CACNA2D3: variants seen among roughly 807,000 people sequenced by gnomAD.
CACNA2D3 encodes the protein voltage-dependent calcium channel subunit alpha-2/delta-3.
In CACNA2D3, 60 loss-of-function variants were observed where a neutral mutation model predicts 160.6. That is an observed-to-expected ratio of 0.37 (90% confidence interval 0.30 to 0.46). The LOEUF is 0.46. Among genes scored for constraint, CACNA2D3 ranks in the 20% least tolerant of loss-of-function variants. The probability of loss-of-function intolerance (pLI) is 1.00; values close to 1 mark genes in which losing one functional copy is unlikely to be tolerated. For missense variants in CACNA2D3, 1,205 were observed against 1,365.0 expected (o/e 0.88, Z 1.85); for synonymous variants, 558 against 492.9 (o/e 1.13, Z -1.75).
chr3:54,962,855 G>A (rs1278271591), intron 27 of CACNA2D3, among the ~76,000 whole-genome samples: 1 of 152,194 alleles, frequency 6.6e-6, no homozygotes, highest in Non-Finnish European at 1.5e-5. Flanking sequence ...TTACAAACCA[G>A]ATCTGTGCCC....
In CACNA2D3 at chr3:54,562,797, C is replaced by T. The variant is rs765438864; in HGVS notation, c.545-3C>T. 42 of 1,610,136 alleles carry T rather than the reference C, an allele frequency of 2.6e-5. No individual in the cohort carries two copies. The highest frequency in any genetic ancestry group is 5.0e-5 in the Admixed American group (3 of 59,802). On this transcript the variant is annotated splice_polypyrimidine_tract_variant and splice_region_variant and intron_variant, in intron 5 of 37. Coordinates refer to ENST00000474759, the MANE Select transcript of CACNA2D3 (RefSeq NM_018398.3). Reference sequence around the variant, plus strand: ...CCCCTCTCTCTCTCTTTCTTTTTTACAGACCCTGCAATTGTCAATGGGGTT... The same window carrying T: ...CCCCTCTCTCTCTCTTTCTTTTTTATAGACCCTGCAATTGTCAATGGGGTT...
chr3:55,031,533 C>G (rs1703688789), intron 35 of CACNA2D3, among the ~76,000 whole-genome samples: 1 of 152,190 alleles, frequency 6.6e-6, no homozygotes, highest in African/African-American at 2.4e-5. Flanking sequence ...CCCGTATACT[C>G]AAAAAGAAAA....
chr3:54,412,093 G>A (rs1007962148), intron 4 of CACNA2D3, among the ~76,000 whole-genome samples: 3 of 152,116 alleles, frequency 2.0e-5, no homozygotes, highest in Admixed American at 1.3e-4. Context: ...AAATAGAATA[G>A]TATAGTACGT....
At chr3:54,963,188 T>C (rs1702071150) in intron 27 of CACNA2D3, among the ~76,000 whole-genome samples, 1 of 152,190 alleles carries the variant, frequency 6.6e-6, no homozygotes, top group Admixed American at 6.5e-5. Flanking sequence ...AACTTCCCCT[T>C]GCAAGTCCAG....
intron 4 of CACNA2D3, among the ~76,000 whole-genome samples, chr3:54,387,347 A>G (rs968701284): frequency 1.3e-5 from 2 of 152,198 alleles, no homozygotes; most frequent in Non-Finnish European, 2.9e-5. Flanking sequence ...CAACAAGTTA[A>G]TTAAATAATA....
intron 2 of CACNA2D3, among the ~76,000 whole-genome samples, chr3:54,184,627 C>G (rs935588986): frequency 6.6e-6 from 1 of 152,222 alleles, no homozygotes; most frequent in African/African-American, 2.4e-5. Flanking sequence ...TGGGCCATCC[C>G]ATGGGGAAGT....
chr3:54,622,764 C>T (rs888817322), intron 9 of CACNA2D3, among the ~76,000 whole-genome samples: 1 of 152,220 alleles, frequency 6.6e-6, no homozygotes, highest in Non-Finnish European at 1.5e-5. Flanking sequence ...CAGCCCCTTC[C>T]TTTGCTTCCA....
intron 2 of CACNA2D3, among the ~76,000 whole-genome samples, chr3:54,265,596 TGTGTATATATATA>T (rs1164057012): frequency 0.056 from 8,345 of 147,790 alleles, 508 homozygotes; most frequent in African/African-American, 0.15. Context: ...ATATATATAG[TGTGTATATATATA>T]GTGTGTATAT....
intron 2 of CACNA2D3, among the ~76,000 whole-genome samples, chr3:54,284,580 A>T (rs1702962182): frequency 1.3e-5 from 2 of 152,186 alleles, no homozygotes; most frequent in African/African-American, 4.8e-5. Context: ...TCTTAATTTT[A>T]AGGATGACAT....
intron 11 of CACNA2D3, among the ~76,000 whole-genome samples, chr3:54,705,604 A>G (rs1700843168): frequency 6.6e-6 from 1 of 152,198 alleles, no homozygotes; most frequent in South Asian, 2.1e-4. Flanking sequence ...GAGGTTCAAT[A>G]TTTTTAATGA....
chr3:54,493,000 G>C (rs1050647571), intron 4 of CACNA2D3, among the ~76,000 whole-genome samples: 1 of 150,456 alleles, frequency 6.6e-6, no homozygotes, highest in Non-Finnish European at 1.5e-5. Context: ...TAAGACAATG[G>C]CAGGTAGTAC....
chr3:54,427,910 G>A (rs1261845835), intron 4 of CACNA2D3, among the ~76,000 whole-genome samples: 1 of 152,176 alleles, frequency 6.6e-6, no homozygotes, highest in Non-Finnish European at 1.5e-5. Flanking sequence ...TTCTTTTGCG[G>A]GCTTTTAAGA....
intron 17 of CACNA2D3, among the ~76,000 whole-genome samples, chr3:54,866,826 T>C (rs770860956): frequency 1.6e-4 from 25 of 152,344 alleles, no homozygotes; most frequent in Non-Finnish European, 2.4e-4. Flanking sequence ...AGCTTGCTCC[T>C]CGGATGAGTG....
intron 13 of CACNA2D3, among the ~76,000 whole-genome samples, chr3:54,806,167 A>G (rs539443572): frequency 1.4e-4 from 22 of 152,036 alleles, no homozygotes; most frequent in African/African-American, 5.1e-4. Context: ...CTCTCTCACC[A>G]CTCCTATTCA....
chr3:54,488,342 T>C (rs1701050420), intron 4 of CACNA2D3, among the ~76,000 whole-genome samples: 1 of 152,150 alleles, frequency 6.6e-6, no homozygotes, highest in Admixed American at 6.5e-5. Context: ...ATGAAAGAAC[T>C]GATGAAAGGC....
intron 4 of CACNA2D3, among the ~76,000 whole-genome samples, chr3:54,485,367 A>G (rs1200918602): frequency 6.6e-6 from 1 of 152,152 alleles, no homozygotes; most frequent in Non-Finnish European, 1.5e-5. Flanking sequence ...TAGTTATTGG[A>G]CACTAAAGGA....
rs147769158 is a variant in CACNA2D3 at position 54,179,940 on chromosome 3, TCAG to T, written c.204+56350_204+56352del. Reference sequence around the variant, plus strand: ...AAACTAAGACATCTTCCAAAATTCTTCAGCAGGGTCTGTGGGTTGTGGCCGGGG... The same window carrying T: ...AAACTAAGACATCTTCCAAAATTCTTCAGGGTCTGTGGGTTGTGGCCGGGG... On this transcript the variant is annotated intron_variant, in intron 2 of 37. Transcript: ENST00000474759. Among the ~76,000 whole-genome samples the T allele has an allele frequency of 0.015, 2,282 of 152,302 alleles. 126 individuals carry two copies. In the East Asian group the frequency reaches 0.2, roughly 14 times the overall value.
intron 4 of CACNA2D3, among the ~76,000 whole-genome samples, chr3:54,462,833 G>T (rs9872088): frequency 0.99 from 150,118 of 151,572 alleles, 74,357 homozygotes; most frequent in Middle Eastern, 1. Context: ...GTTAGCTGGT[G>T]ATTTTGCTCA....
chr3:54,646,586 T>G, intron 11 of CACNA2D3, among the ~76,000 whole-genome samples: 1 of 152,106 alleles, frequency 6.6e-6, no homozygotes, highest in East Asian at 1.9e-4. Flanking sequence ...CTTTTTCCTT[T>G]TTATGGCTGC....
Sources: gnomAD v4.1 joint callset for allele counts (sites outside exome capture counted in the v4.1 genomes callset) on GRCh38, gnomAD v4.1.1 for gene constraint, MANE v1.5 for transcripts, NCBI Gene and HGNC (gene_info 2026-07-23, HGNC 2026-07-21) for gene names.